CYRIB: variants seen among roughly 807,000 people sequenced by gnomAD.
The protein encoded by CYRIB is CYFIP related Rac1 interactor B.
In CYRIB, 8 loss-of-function variants were observed where a neutral mutation model predicts 44.2. The ratio of observed to expected loss-of-function variants is 0.18; its 90% confidence interval spans 0.11 to 0.33. The LOEUF is 0.33. Among genes scored for constraint, CYRIB ranks in the 10% least tolerant of loss-of-function variants. The probability of loss-of-function intolerance (pLI) is 1.00; values close to 1 mark genes in which losing one functional copy is unlikely to be tolerated. For synonymous variants in CYRIB, 131 were observed against 127.2 expected, an observed-to-expected ratio of 1.03 and a Z score of -0.20; for missense variants, 185 against 382.8, an observed-to-expected ratio of 0.48 and a Z score of 4.31.
intron 1 of CYRIB, among the ~76,000 whole-genome samples, chr8:130,002,463 G>A (rs1263926226): frequency 6.6e-6 from 1 of 152,120 alleles, no homozygotes; most frequent in African/African-American, 2.4e-5. Flanking sequence ...AAAAGAAGAG[G>A]AGACTCTTAG....
intron 8 of CYRIB, 64 bp from the exon 11 acceptor site, chr8:129,850,978 T>A: frequency 9.3e-7 from 1 of 1,074,128 alleles, no homozygotes; most frequent in Non-Finnish European, 1.4e-6. Flanking sequence ...AAGCACAATT[T>A]AAAATTTAGC....
chr8:129,951,253 G>A (rs534827629), intron 2 of CYRIB, among the ~76,000 whole-genome samples: 2 of 152,110 alleles, frequency 1.3e-5, no homozygotes, highest in African/African-American at 2.4e-5. Context: ...GCAGTGAGCC[G>A]AGACTGTGCC....
chr8:129,953,393 C>T (rs144472552), intron 2 of CYRIB, among the ~76,000 whole-genome samples: 99 of 152,288 alleles, frequency 6.5e-4, no homozygotes, highest in African/African-American at 2.4e-3. Context: ...AGATCACTTG[C>T]TGCTCTTAAT....
chr8:129,912,971 CTTTT>C (rs34861646), intron 1 of CYRIB, among the ~76,000 whole-genome samples: 9 of 124,116 alleles, frequency 7.3e-5, no homozygotes, highest in Admixed American at 3.6e-4. Context: ...ATCTGCTTCA[CTTTT>C]TTTTTTTTTT....
chr8:129,849,591 G>T (rs1022136379), intron 9 of CYRIB: 2 of 385,664 alleles, frequency 5.2e-6, no homozygotes, highest in Non-Finnish European at 9.3e-6. Context: ...CTTTAATGAG[G>T]TGATTCAACT....
intron 1 of CYRIB, chr8:130,004,745 C>T (rs188557625): frequency 6.7e-6 from 1 of 150,076 alleles, no homozygotes; most frequent in African/African-American, 2.4e-5. Context: ...AGGAACAACT[C>T]GGGAGATTGT....
intron 1 of CYRIB, among the ~76,000 whole-genome samples, chr8:129,933,269 ACT>A: frequency 6.6e-6 from 1 of 151,952 alleles, no homozygotes; most frequent in South Asian, 2.1e-4. Context: ...CTACCCCCAA[ACT>A]CTTCTGCTTT....
intron 1 of CYRIB, among the ~76,000 whole-genome samples, chr8:129,976,977 G>T (rs2095957612): frequency 6.6e-6 from 1 of 152,154 alleles, no homozygotes; most frequent in South Asian, 2.1e-4. Context: ...AAGTAGCTGG[G>T]ATTACAGGCA....
At chr8:129,968,629 G>C (rs1366443845) in intron 2 of CYRIB, among the ~76,000 whole-genome samples, 4 of 152,208 alleles carry the variant, frequency 2.6e-5, no homozygotes, top group Admixed American at 6.5e-5. Flanking sequence ...GTTCGCAGTA[G>C]AGGTTTCCAT....
At chr8:129,856,186 T>C (rs1418954744) in intron 5 of CYRIB, among the ~76,000 whole-genome samples, 1 of 152,230 alleles carries the variant, frequency 6.6e-6, no homozygotes, top group African/African-American at 2.4e-5. Flanking sequence ...CAATTACCAA[T>C]TTCTCATACT....
At chr8:129,932,107 T>C (rs1371315587) in intron 1 of CYRIB, among the ~76,000 whole-genome samples, 1 of 150,910 alleles carries the variant, frequency 6.6e-6, no homozygotes, top group Non-Finnish European at 1.5e-5. Context: ...CAAGCGATTC[T>C]CCTGCCTCAG....
At chr8:129,949,084 G>GAA (rs1252244670) in intron 2 of CYRIB, 1 of 151,804 alleles carries the variant, frequency 6.6e-6, no homozygotes, top group African/African-American at 2.4e-5. Flanking sequence ...CAAAAGAAAA[G>GAA]AAAAAGAGAA....
At chr8:129,910,964 C>T (rs1416368821) in intron 1 of CYRIB, among the ~76,000 whole-genome samples, 1 of 152,226 alleles carries the variant, frequency 6.6e-6, no homozygotes, top group Non-Finnish European at 1.5e-5. Flanking sequence ...GGCCTCTCTC[C>T]CATTGTTTTG....
At chr8:129,886,995 A>T (rs1439901918) in intron 2 of CYRIB, among the ~76,000 whole-genome samples, 1 of 152,068 alleles carries the variant, frequency 6.6e-6, no homozygotes, top group South Asian at 2.1e-4. Context: ...ACTCAAAATA[A>T]AATCCAAATT....
rs560230940 is a variant in CYRIB, at chr8:130,010,260, T to C, written c.-296+6110A>G. Among the ~76,000 whole-genome samples, 3 of 152,334 alleles carry C rather than the reference T, an allele frequency of 2.0e-5. No homozygotes were observed. The South Asian group carries it at 6.2e-4, about 32-fold the overall frequency. On this transcript the variant is annotated intron_variant, in intron 1 of 14. Coordinates refer to the CYRIB transcript ENST00000401979. ...TCAAGGGCAGAGGTACATTTTGAAC[T>C]AGAGAAAGTCCTCAGCATCCTCCTG...
At chr8:130,013,127 T>C (rs2097263748) in intron 1 of CYRIB, among the ~76,000 whole-genome samples, 2 of 152,236 alleles carry the variant, frequency 1.3e-5, no homozygotes, top group Non-Finnish European at 2.9e-5. Flanking sequence ...ACAGTGATTA[T>C]TACTGTTGTT....
chr8:129,997,088 AGGAG>A (rs1296568514), intron 1 of CYRIB, among the ~76,000 whole-genome samples: 6 of 83,018 alleles, frequency 7.2e-5, no homozygotes, highest in Non-Finnish European at 2.1e-5. Context: ...GAGGGAGGGA[AGGAG>A]GGAGGGAAGG....
intron 1 of CYRIB, among the ~76,000 whole-genome samples, chr8:129,978,416 T>C (rs17279655): frequency 0.052 from 7,942 of 152,296 alleles, 208 homozygotes; most frequent in Middle Eastern, 0.071. Context: ...TAGGAAAAAC[T>C]GCAATGTCTG....
chr8:129,870,166 T>C (rs1032501552), intron 4 of CYRIB, among the ~76,000 whole-genome samples: 19 of 151,546 alleles, frequency 1.3e-4, no homozygotes, highest in African/African-American at 2.7e-4. Context: ...TCCAACACTT[T>C]GGGAGGCCAA....
Sources: gnomAD v4.1 joint callset for allele counts (sites outside exome capture counted in the v4.1 genomes callset) on GRCh38, gnomAD v4.1.1 for gene constraint, MANE v1.5 for transcripts, NCBI Gene and HGNC (gene_info 2026-07-23, HGNC 2026-07-21) for gene names.